WDR12: variants seen among roughly 807,000 people sequenced by gnomAD.
WDR12 encodes WD repeat domain 12.
A neutral mutation model predicts 64.3 loss-of-function variants in WDR12; 42 were observed. The ratio of observed to expected loss-of-function variants is 0.65; its 90% CI spans 0.51 to 0.84. WDR12 has a LOEUF of 0.84. Among genes scored for constraint, WDR12 ranks in the 40% least tolerant of loss-of-function variants. The pLI is 0.00. For missense variants in WDR12, 469 were observed against 494.6 expected (o/e 0.95, Z 0.49); for synonymous variants, 158 against 173.3 (o/e 0.91, Z 0.70).
Position 202,874,403 on chromosome 2 carries a change from A to G in WDR12, c.*6457T>C, listed in dbSNP as rs1244966725. On this transcript the variant is annotated 3_prime_UTR_variant, in exon 13 of 13. Coordinates refer to ENST00000261015, the MANE Select transcript of WDR12 (RefSeq NM_018256.4). ...ACTTTTACAAGCTAACTAGACAAGA[A>G]CATTAGATGACTTGGAATGTAGGGC... 2.0e-5 allele frequency among the ~76,000 whole-genome samples: 3 copies of G among 152,216 alleles called. No individual in the cohort carries two copies. The highest frequency in any genetic ancestry group is 7.2e-5 in the African/African-American group (3 of 41,456).
intron 4 of WDR12, among the ~76,000 whole-genome samples, chr2:202,897,914 TATATATATATAAAAA>T (rs1057449647): frequency 8.3e-5 from 10 of 120,772 alleles, no homozygotes; most frequent in Non-Finnish European, 1.5e-4. Flanking sequence ...AAAAAATATA[TATATATATATAAAAA>T]ATATATATCA....
At chr2:202,898,195 G>A (rs1176309964) in intron 4 of WDR12, among the ~76,000 whole-genome samples, 1 of 151,878 alleles carries the variant, frequency 6.6e-6, no homozygotes, top group Non-Finnish European at 1.5e-5. Context: ...CTGTTGCCCA[G>A]GCTGGAAGGC....
chr2:202,899,493 A>G, intron 4 of WDR12, 38 bp downstream of exon 4: 7 of 1,583,052 alleles, frequency 4.4e-6, no homozygotes, highest in Non-Finnish European at 6.0e-6. Flanking sequence ...AGGTAAAAAC[A>G]AAACAAAAAA....
In WDR12 at chr2:202,880,109, G is replaced by A. The variant is rs897365276; in HGVS notation, c.*751C>T. The A allele has an allele frequency of 1.2e-4, 18 of 152,142 alleles. No homozygotes were observed. The highest frequency in any genetic ancestry group is 4.1e-4 in the African/African-American group (17 of 41,496). The allele number at this position is 152,142 out of a possible 1,614,324, so 9.4% of individuals were successfully genotyped here. A position where few individuals can be genotyped will look rare whatever the true frequency, so the allele number is the denominator to read the frequency against. ...TCTTGAACATTTATTCTGCCAAAAG[G>A]AACTGAATTTCTAACTTTTTCTCTA... On this transcript the variant is annotated 3_prime_UTR_variant, in exon 13 of 13. Coordinates refer to ENST00000261015, the MANE Select transcript of WDR12 (RefSeq NM_018256.4).
At chr2:202,903,837 G>A (rs552361015) in intron 2 of WDR12, among the ~76,000 whole-genome samples, 6 of 152,068 alleles carry the variant, frequency 3.9e-5, no homozygotes, top group Non-Finnish European at 8.8e-5. Flanking sequence ...ATAAAACATC[G>A]ATGAAAGACA....
intron 3 of WDR12, among the ~76,000 whole-genome samples, 171 bp from the exon 4 acceptor site, chr2:202,899,808 T>G (rs1688318099): frequency 6.6e-6 from 1 of 152,140 alleles, no homozygotes; most frequent in Non-Finnish European, 1.5e-5. Flanking sequence ...TTGACCTAAC[T>G]GTAAGCTAAG....
At chr2:202,899,107 A>G (rs895322023) in intron 4 of WDR12, among the ~76,000 whole-genome samples, 1 of 126,860 alleles carries the variant, frequency 7.9e-6, no homozygotes, top group Non-Finnish European at 1.5e-5. Context: ...CAGTGGGGCC[A>G]TCTCAGCTCA....
chr2:202,880,771 G>T lies in WDR12; in HGVS notation c.*89C>A, dbSNP rs973941352. The T allele has an allele frequency of 1.7e-6, 2 of 1,146,298 alleles. No homozygotes were observed. Among genetic ancestry groups the T allele is most frequent in the African/African-American group, 1.6e-5 (1 of 63,918 alleles). The allele number at this position is 1,146,298 out of a possible 1,614,324, so 71.0% of individuals were successfully genotyped here. ...AACATTATATAAACTTCAAAAGGCT[G>T]CTTTCTGCATCTGCATCTATGTAAT... On this transcript the variant is annotated 3_prime_UTR_variant, in exon 13 of 13. Coordinates refer to ENST00000261015, the MANE Select transcript of WDR12 (RefSeq NM_018256.4).
In WDR12 at chr2:202,877,107, T is replaced by C. The variant is rs1390103169; in HGVS notation, c.*3753A>G. On this transcript the variant is annotated 3_prime_UTR_variant, in exon 13 of 13. Transcript: ENST00000261015. The stretch of plus-strand genomic sequence containing the variant: ...CAGAAATTCCCAGATGGTATATATA[T>C]ATATATATTTTTTTTTTTGCAGGGT... 1 of 78,278 alleles carries C rather than the reference T, an allele frequency of 1.3e-5. No individual in the cohort carries two copies. Among genetic ancestry groups the C allele is most frequent in the African/African-American group, 3.6e-5 (1 of 27,466 alleles). The allele number at this position is 78,278 out of a possible 1,614,324, so 4.8% of individuals were successfully genotyped here.
intron 6 of WDR12, 25 bp from the exon 7 acceptor site, chr2:202,894,651 A>G: frequency 6.3e-7 from 1 of 1,586,774 alleles, no homozygotes; most frequent in East Asian, 2.3e-5. Context: ...ATGAAGGGAA[A>G]AGACATATGT....
intron 6 of WDR12, among the ~76,000 whole-genome samples, chr2:202,895,513 C>CT (rs1688221291): frequency 7.6e-6 from 1 of 132,386 alleles, no homozygotes; most frequent in Non-Finnish European, 1.7e-5. Context: ...TACTTCATTT[C>CT]TTTCTTTTTT....
At chr2:202,896,364 C>T (rs1300907776) in intron 5 of WDR12, 145 bp from the exon 6 acceptor site, 2 of 867,396 alleles carry the variant, frequency 2.3e-6, no homozygotes, top group East Asian at 5.5e-5. Context: ...TTTTAAAAGG[C>T]TGATGTGGTA....
intron 8 of WDR12, among the ~76,000 whole-genome samples, chr2:202,889,373 C>A (rs769728582): frequency 6.6e-5 from 10 of 151,836 alleles, no homozygotes; most frequent in South Asian, 2.1e-4. Flanking sequence ...ACAACAACAA[C>A]AAAAAAATCA....
At chr2:202,894,932 A>AGGC in intron 6 of WDR12, among the ~76,000 whole-genome samples, 1 of 152,294 alleles carries the variant, frequency 6.6e-6, no homozygotes, top group East Asian at 1.9e-4. Flanking sequence ...CTGGTTCCTG[A>AGGC]GGCCCAAATG....
At position 202,907,943 on chromosome 2, in the gene WDR12, C is replaced by T; in HGVS notation, c.58G>A (p.Val20Ile). The change falls in exon 2 of 13, where the codon GTT (valine) becomes ATT (isoleucine). Residue 20 changes from valine (V) to isoleucine (I), a missense_variant. Physicochemically the swap from Val to Ile is conservative, Grantham distance 29 (BLOSUM62 3). Coordinates refer to ENST00000261015, the MANE Select transcript of WDR12 (RefSeq NM_018256.4). ...TDNKKYAVDD[V>I]PFSIPAASEI... The stretch of plus-strand genomic sequence containing the variant: ...GAGGCAGCAGGGATTGAGAAGGGAA[C>T]ATCATCTACGGCATATCTATAAAAA... 1 of 1,613,930 alleles carries T rather than the reference C, an allele frequency of 6.2e-7. No individual in the cohort carries two copies. Among genetic ancestry groups the T allele is most frequent in the Non-Finnish European group, 8.5e-7 (1 of 1,179,890 alleles).
chr2:202,881,551 C>T (rs375519421), intron 12 of WDR12, among the ~76,000 whole-genome samples: 1 of 151,940 alleles, frequency 6.6e-6, no homozygotes, highest in African/African-American at 2.4e-5. Context: ...GAGGCTGAGG[C>T]GGGAGAACTG....
At position 202,880,839 on chromosome 2, in the gene WDR12, T is replaced by C. The variant is rs1343009833; in HGVS notation, c.*21A>G. ...ATTTCATTTACAGAAATAATCTCTA[T>C]AGTCAAATTATTGTTCACTTTCATG... On this transcript the variant is annotated 3_prime_UTR_variant, in exon 13 of 13. Coordinates refer to ENST00000261015, the MANE Select transcript of WDR12 (RefSeq NM_018256.4). The C allele has an allele frequency of 2.5e-6, 4 of 1,597,308 alleles. No homozygotes were observed. The East Asian group carries it at 6.7e-5, about 27-fold the overall frequency.
At chr2:202,882,915 A>G in intron 11 of WDR12, 132 bp from the exon 12 acceptor site, 2 of 666,532 alleles carry the variant, frequency 3.0e-6, no homozygotes, top group Non-Finnish European at 4.9e-6. Context: ...TAATCTTAAA[A>G]TTCTGTTTAT....
At chr2:202,882,671 A>C (rs375342629) in intron 12 of WDR12, 40 bp downstream of exon 12, 44 of 1,574,722 alleles carry the variant, frequency 2.8e-5, no homozygotes, top group Non-Finnish European at 2.6e-6. Context: ...GATTTATTCT[A>C]GTCACTTTCC....
Sources: gnomAD v4.1 joint callset for allele counts (sites outside exome capture counted in the v4.1 genomes callset) on GRCh38, gnomAD v4.1.1 for gene constraint, MANE v1.5 for transcripts, NCBI Gene and HGNC (gene_info 2026-07-23, HGNC 2026-07-21) for gene names.